The following LOC122455342 variants were observed in gnomAD, a reference collection of about 807,000 sequenced individuals.
At chr17:76,568,928 G>A in the LOC122455342 span, 11 of 755,338 alleles carry the variant, frequency 1.5e-5, no homozygotes, top group Non-Finnish European at 2.0e-5. Flanking sequence ...GAGTAGTAGC[G>A]GGAGAAGGGG....
At chr17:76,568,894 C>T in the LOC122455342 span, 2 of 1,179,992 alleles carry the variant, frequency 1.7e-6, no homozygotes, top group Middle Eastern at 2.5e-4. Context: ...GCCGCGGTAC[C>T]CTGAGCGGTA....
At chr17:76,568,802 A>G in the LOC122455342 span, 1 of 1,612,676 alleles carries the variant, frequency 6.2e-7, no homozygotes, top group Non-Finnish European at 8.5e-7. Context: ...GCGGCCTAGG[A>G]CCCATGATAG....
At chr17:76,568,839 G>A in the LOC122455342 span, 18 of 1,597,452 alleles carry the variant, frequency 1.1e-5, no homozygotes, top group African/African-American at 4.0e-5. Flanking sequence ...CAGAGCCGTC[G>A]TATTGCAAGG....
At chr17:76,569,288 A>G in the LOC122455342 span, 2 of 217,736 alleles carry the variant, frequency 9.2e-6, no homozygotes, top group African/African-American at 7.4e-5. Flanking sequence ...ATATAGGAAG[A>G]TGAGGTGGCA....
At chr17:76,568,950 G>A in the LOC122455342 span, 1 of 669,534 alleles carries the variant, frequency 1.5e-6, no homozygotes, top group Non-Finnish European at 2.6e-6. Context: ...TGTAGAAGGT[G>A]GCAGGCAGTA....
the LOC122455342 span, chr17:76,569,079 G>T: frequency 2.8e-5 from 5 of 177,798 alleles, no homozygotes; most frequent in Non-Finnish European, 5.0e-5. Context: ...TAAACTGGGG[G>T]TGGTGGGGGG....
At chr17:76,568,914 C>T in the LOC122455342 span, 1 of 907,036 alleles carries the variant, frequency 1.1e-6, no homozygotes, top group Non-Finnish European at 1.8e-6. Context: ...AGGAGCGGGG[C>T]TGGGAGTAGT....
At chr17:76,568,977 C>T in the LOC122455342 span, 4 of 590,954 alleles carry the variant, frequency 6.8e-6, no homozygotes, top group African/African-American at 2.1e-5. Context: ...GGACCACGTG[C>T]GGCTTCCCGC....
chr17:76,569,242 G>C, the LOC122455342 span: 16 of 377,800 alleles, frequency 4.2e-5, no homozygotes, highest in Middle Eastern at 6.4e-4. Flanking sequence ...GGGCACATAG[G>C]GGGTGATATA....
chr17:76,568,948 G>A, the LOC122455342 span: 4 of 669,832 alleles, frequency 6.0e-6, no homozygotes, highest in East Asian at 8.2e-5. Flanking sequence ...GGTGTAGAAG[G>A]TGGCAGGCAG....
chr17:76,568,978 G>GA, the LOC122455342 span: 1 of 597,194 alleles, frequency 1.7e-6, no homozygotes, highest in South Asian at 2.0e-5. Flanking sequence ...GACCACGTGC[G>GA]GCTTCCCGCT....
the LOC122455342 span, chr17:76,568,804 C>T: frequency 1.2e-6 from 2 of 1,612,630 alleles, no homozygotes; most frequent in South Asian, 2.2e-5. Flanking sequence ...GGCCTAGGAC[C>T]CATGATAGAA....
the LOC122455342 span, chr17:76,568,849 G>A: frequency 3.2e-6 from 5 of 1,586,702 alleles, no homozygotes; most frequent in African/African-American, 5.4e-5. Flanking sequence ...GTATTGCAAG[G>A]GGGAGATGGA....
the LOC122455342 span, chr17:76,569,218 T>G: frequency 6.7e-6 from 1 of 149,850 alleles, no homozygotes; most frequent in East Asian, 1.2e-4. Flanking sequence ...AAAGGGGGGC[T>G]CCTTCAGAAA....
At chr17:76,569,644 C>T in the LOC122455342 span, 2 of 398,320 alleles carry the variant, frequency 5.0e-6, no homozygotes, top group African/African-American at 4.1e-5. Context: ...GGAAGGGGAG[C>T]TCATTGGTGT....
chr17:76,569,275 C>G, the LOC122455342 span: 8 of 367,290 alleles, frequency 2.2e-5, no homozygotes, highest in East Asian at 3.0e-4. Context: ...CTGAATTGGC[C>G]CGATATAGGA....
chr17:76,568,952 C>T, the LOC122455342 span: 1 of 660,552 alleles, frequency 1.5e-6, no homozygotes. Context: ...TAGAAGGTGG[C>T]AGGCAGTACG....
the LOC122455342 span, chr17:76,568,836 G>C: frequency 3.2e-5 from 51 of 1,602,182 alleles, no homozygotes; most frequent in Non-Finnish European, 4.3e-5. Flanking sequence ...GCCCAGAGCC[G>C]TCGTATTGCA....
At chr17:76,568,939 G>T in the LOC122455342 span, 1 of 699,292 alleles carries the variant, frequency 1.4e-6, no homozygotes. Context: ...GGAGAAGGGG[G>T]TGTAGAAGGT....
Sources: allele counts gnomAD v4.1 joint callset, GRCh38; gene constraint gnomAD v4.1.1; transcripts MANE v1.5.